Variants in PRMT9 observed in about 807,000 individuals in gnomAD.
PRMT9 encodes protein arginine methyltransferase 9, also known as protein arginine N-methyltransferase 9.
In PRMT9, 59 loss-of-function variants were observed where a neutral mutation model predicts 83.2. The ratio of observed to expected loss-of-function variants is 0.71; its 90% CI spans 0.57 to 0.88. The LOEUF (loss-of-function observed/expected upper bound fraction) is 0.88. PRMT9 is among the 40% of genes least tolerant of loss of function. The pLI, the probability that PRMT9 is intolerant of heterozygous loss-of-function variation, is 0.00. For missense variants in PRMT9, 947 were observed against 1,021.9 expected, an observed-to-expected ratio of 0.93 and a Z score of 1.00; for synonymous variants, 333 against 353.2, an observed-to-expected ratio of 0.94 and a Z score of 0.64.
At chr4:147,663,566 G>C (rs1031956134) in intron 6 of PRMT9, among the ~76,000 whole-genome samples, 2 of 152,010 alleles carry the variant, frequency 1.3e-5, no homozygotes, top group Non-Finnish European at 2.9e-5. Flanking sequence ...GGGTTTCGCT[G>C]TGTTGCCCAG....
intron 9 of PRMT9, among the ~76,000 whole-genome samples, chr4:147,644,454 T>C (rs372857784): frequency 1.3e-5 from 2 of 150,862 alleles, no homozygotes; most frequent in South Asian, 2.1e-4. Flanking sequence ...TCTTCCTACG[T>C]TGACCTTGGG....
chr4:147,657,837 C>A lies in PRMT9; in HGVS notation c.1285G>T (p.Glu429Ter), dbSNP rs1734629438. The change falls in exon 8 of 12, where the codon GAA becomes TAA. Residue 429 changes from glutamate (E) to a stop codon, truncating the protein, a stop_gained. Transcript: ENST00000322396. LOFTEE classifies it high-confidence loss of function. ...EHSLSTSPSE[E>*]TCWEQAVYPV... is the part of the protein sequence containing the mutation. ...TAGACAGCCTGTTCCCAACATGTTT[C>A]CTCACTAGGACTTGTGGATAAACTA... The A allele has an allele frequency of 6.2e-7, 1 of 1,611,586 alleles. No individual in the cohort carries two copies. The highest frequency in any genetic ancestry group is 2.2e-5 in the East Asian group (1 of 44,778).
At chr4:147,683,736 T>TCTA in intron 1 of PRMT9, 63 bp downstream of exon 1, 2 of 558,040 alleles carry the variant, frequency 3.6e-6, no homozygotes, top group East Asian at 4.8e-5. Flanking sequence ...TTTTTTTCTG[T>TCTA]TTTTTTTTTT....
At chr4:147,680,700 C>T (rs1019156332) in intron 1 of PRMT9, among the ~76,000 whole-genome samples, 1 of 152,194 alleles carries the variant, frequency 6.6e-6, no homozygotes, top group Non-Finnish European at 1.5e-5. Context: ...TCTCTAAACT[C>T]CCCCCACTCT....
chr4:147,664,183 T>C (rs1735164272), intron 6 of PRMT9, among the ~76,000 whole-genome samples: 1 of 152,166 alleles, frequency 6.6e-6, no homozygotes, highest in South Asian at 2.1e-4. Context: ...GGTGCACACC[T>C]GTGGTTGGCA....
chr4:147,655,328 ATT>A (rs564636025), intron 8 of PRMT9, among the ~76,000 whole-genome samples: 1 of 141,286 alleles, frequency 7.1e-6, no homozygotes. Flanking sequence ...AGGCCCAGCT[ATT>A]TTTTTTTTTT....
In PRMT9 at chr4:147,683,963, G is replaced by T; in HGVS notation, c.25C>A (p.Arg9Ser). The change falls in exon 1 of 12, where the codon CGC becomes AGC. Residue 9 changes from arginine to serine, a missense_variant. Transcript: ENST00000322396. Reference sequence around the variant, plus strand: ...CCAGCGCCACCCCCGGCGTCTCGGCGGGACCTGGGCCGCGAGTTCGACATG... The same window carrying T: ...CCAGCGCCACCCCCGGCGTCTCGGCTGGACCTGGGCCGCGAGTTCGACATG... MSNSRPRS[R>S]RDAGGGAGAA... The T allele has an allele frequency of 6.2e-7, 1 of 1,612,896 alleles. No individual in the cohort carries two copies. The highest frequency in any genetic ancestry group is 8.5e-7 in the Non-Finnish European group (1 of 1,179,666).
intron 9 of PRMT9, among the ~76,000 whole-genome samples, chr4:147,651,513 A>G (rs1166625062): frequency 6.6e-6 from 1 of 152,250 alleles, no homozygotes; most frequent in East Asian, 1.9e-4. Context: ...TATCCAGAAT[A>G]CAGAAATAAC....
At chr4:147,673,382 T>C (rs1346783651) in intron 3 of PRMT9, among the ~76,000 whole-genome samples, 1 of 152,184 alleles carries the variant, frequency 6.6e-6, no homozygotes, top group Non-Finnish European at 1.5e-5. Flanking sequence ...CTTAGACAAC[T>C]AGATTCCATC....
At chr4:147,658,996 G>A (rs1039624014) in intron 7 of PRMT9, among the ~76,000 whole-genome samples, 37 of 152,130 alleles carry the variant, frequency 2.4e-4, no homozygotes, top group Admixed American at 2.0e-3. Context: ...TGGCTAACAC[G>A]GTGAAACCCC....
chr4:147,671,891 C>T, intron 4 of PRMT9: 1 of 456,180 alleles, frequency 2.2e-6, no homozygotes, highest in East Asian at 7.0e-5. Context: ...ACTGACTATA[C>T]TGGAGAAGGA....
chr4:147,640,195 C>T (rs915660825), intron 10 of PRMT9, among the ~76,000 whole-genome samples: 1 of 150,906 alleles, frequency 6.6e-6, no homozygotes, highest in African/African-American at 2.4e-5. Context: ...ACCTCAGCCT[C>T]CCAAGTAGCT....
At chr4:147,640,901 G>A (rs924360889) in intron 10 of PRMT9, among the ~76,000 whole-genome samples, 1 of 151,984 alleles carries the variant, frequency 6.6e-6, no homozygotes, top group Admixed American at 6.6e-5. Context: ...TTTGTAGAGA[G>A]ACAGTCTCAC....
intron 8 of PRMT9, among the ~76,000 whole-genome samples, chr4:147,655,135 T>C (rs1734398244): frequency 6.6e-6 from 1 of 152,204 alleles, no homozygotes; most frequent in African/African-American, 2.4e-5. Context: ...AAAGACCATA[T>C]GATACTCCCT....
At chr4:147,682,285 T>G (rs889521359) in intron 1 of PRMT9, among the ~76,000 whole-genome samples, 3 of 152,108 alleles carry the variant, frequency 2.0e-5, no homozygotes, top group African/African-American at 4.8e-5. Context: ...GTTCAAGCAA[T>G]TCTCCTGCCT....
chr4:147,638,352 CAGT>C lies in PRMT9; in HGVS notation c.*177_*179del, dbSNP rs1733146765. 2 of 603,834 alleles carry C rather than the reference CAGT, an allele frequency of 3.3e-6. No homozygotes were observed. 37.4% of individuals were successfully genotyped at this position (603,834 alleles called of 1,614,324 possible). A position where few individuals can be genotyped will look rare whatever the true frequency, so the allele number is the denominator to read the frequency against. On this transcript the variant is annotated 3_prime_UTR_variant, in exon 12 of 12. Coordinates refer to ENST00000322396, the MANE Select transcript of PRMT9 (RefSeq NM_138364.4). Reference sequence around the variant, plus strand: ...CCTTTTCCAGAAAGCAAATCTGCAGCAGTATTTCTATAATAATGCTACCCTTTT... The same window carrying C: ...CCTTTTCCAGAAAGCAAATCTGCAGCATTTCTATAATAATGCTACCCTTTT...
chr4:147,656,771 CA>C (rs1023416920), intron 8 of PRMT9, among the ~76,000 whole-genome samples: 1,207 of 47,946 alleles, frequency 0.025, 10 homozygotes, highest in African/African-American at 0.11. Context: ...GACTCTGTCT[CA>C]AAAAAAAAAA....
At position 147,667,919 on chromosome 4, in the gene PRMT9, C is replaced by T. The variant is rs547901697; in HGVS notation, c.953+620G>A. ...TACATGAATATATCACAACTAGAGT[C>T]CTAAGTTGTATCAAAATTAATTTTC... On this transcript the variant is annotated intron_variant, in intron 6 of 11. Coordinates refer to ENST00000322396, the MANE Select transcript of PRMT9 (RefSeq NM_138364.4). Among the ~76,000 whole-genome samples, 174 of 151,530 alleles carry T rather than the reference C, an allele frequency of 1.1e-3. 1 individual carries two copies. Among genetic ancestry groups the T allele is most frequent in the Non-Finnish European group, 2.0e-3 (137 of 67,874 alleles).
At chr4:147,664,248 C>T (rs1735167354) in intron 6 of PRMT9, among the ~76,000 whole-genome samples, 1 of 152,174 alleles carries the variant, frequency 6.6e-6, no homozygotes, top group Non-Finnish European at 1.5e-5. Flanking sequence ...GTCAAGACTG[C>T]AGTGAGCCAT....
Sources: allele counts gnomAD v4.1 joint callset (sites outside exome capture counted in the v4.1 genomes callset), GRCh38; gene constraint gnomAD v4.1.1; transcripts MANE v1.5; gene names NCBI Gene and HGNC (gene_info 2026-07-23, HGNC 2026-07-21).